Variants in GOSR1 observed in about 807,000 individuals in gnomAD.
GOSR1 encodes the protein golgi SNAP receptor complex member 1.
A neutral mutation model predicts 35.5 loss-of-function variants in GOSR1; 21 were observed. The observed-to-expected ratio is 0.59, with a 90% CI of 0.42 to 0.85. The LOEUF is 0.85. GOSR1 is among the 40% of genes least tolerant of loss of function. The pLI is 0.00. For missense variants in GOSR1, 285 were observed against 309.6 expected (o/e 0.92, Z 0.60); for synonymous variants, 94 against 106.6 (o/e 0.88, Z 0.73).
At chr17:30,520,048 G>T (rs375472475) in intron 8 of GOSR1, 27 bp downstream of exon 8, 2 of 1,426,842 alleles carry the variant, frequency 1.4e-6, no homozygotes, top group Middle Eastern at 1.7e-4. Flanking sequence ...TTCGCAGTCT[G>T]TGTTTTGAGG....
At chr17:30,491,194 G>T (rs1366813036) in intron 5 of GOSR1, among the ~76,000 whole-genome samples, 2 of 152,122 alleles carry the variant, frequency 1.3e-5, no homozygotes, top group Non-Finnish European at 2.9e-5. Flanking sequence ...CCATATAGGG[G>T]ATGGTCTTTA....
At chr17:30,490,359 A>AT in intron 5 of GOSR1, 142 bp downstream of exon 5, 1 of 540,830 alleles carries the variant, frequency 1.8e-6, no homozygotes, top group South Asian at 2.5e-5. Flanking sequence ...TCTTTTTAAC[A>AT]TTGCTGCTAC....
At chr17:30,496,388 G>A (rs1194706891) in intron 6 of GOSR1, among the ~76,000 whole-genome samples, 1 of 152,174 alleles carries the variant, frequency 6.6e-6, no homozygotes, top group African/African-American at 2.4e-5. Context: ...TTTTCTTCAT[G>A]TTGTTTGGCT....
intron 6 of GOSR1, among the ~76,000 whole-genome samples, chr17:30,497,315 A>G (rs1050556094): frequency 2.0e-5 from 3 of 152,130 alleles, no homozygotes; most frequent in African/African-American, 7.2e-5. Context: ...TCATTAATTT[A>G]CCACTTTTAT....
intron 5 of GOSR1, among the ~76,000 whole-genome samples, chr17:30,491,467 T>C (rs1407172342): frequency 6.6e-6 from 1 of 152,110 alleles, no homozygotes; most frequent in African/African-American, 2.4e-5. Context: ...AAGACCAGCC[T>C]GGCCAACATG....
At chr17:30,502,350 T>A (rs973711852) in intron 6 of GOSR1, among the ~76,000 whole-genome samples, 17 of 152,186 alleles carry the variant, frequency 1.1e-4, no homozygotes, top group African/African-American at 4.1e-4. Flanking sequence ...AGTTAGTAAT[T>A]TATCAGTACT....
At chr17:30,515,619 TC>T (rs1239418460) in intron 7 of GOSR1, among the ~76,000 whole-genome samples, 6 of 152,366 alleles carry the variant, frequency 3.9e-5, no homozygotes, top group Admixed American at 2.0e-4. Flanking sequence ...ACTCCACAGT[TC>T]TGCCCTCAGA....
chr17:30,484,971 G>C (rs1391222894), intron 4 of GOSR1: 1 of 592,344 alleles, frequency 1.7e-6, no homozygotes, highest in South Asian at 1.7e-5. Context: ...AATAGCTCTT[G>C]CTATTTCTTG....
At chr17:30,509,847 A>C (rs1967550219) in intron 6 of GOSR1, among the ~76,000 whole-genome samples, 1 of 152,246 alleles carries the variant, frequency 6.6e-6, no homozygotes, top group Non-Finnish European at 1.5e-5. Context: ...AAACATTAAG[A>C]TGTAAATATT....
chr17:30,493,546 CTT>C (rs1966885982), intron 6 of GOSR1, among the ~76,000 whole-genome samples: 1 of 152,096 alleles, frequency 6.6e-6, no homozygotes, highest in African/African-American at 2.4e-5. Flanking sequence ...ATGTGAAAAA[CTT>C]TAGTTTTTCA....
chr17:30,495,187 C>CA (rs11369569), intron 6 of GOSR1, among the ~76,000 whole-genome samples: 48,990 of 81,328 alleles, frequency 0.6, 14,383 homozygotes, highest in East Asian at 0.88. Context: ...GACTCCGGCT[C>CA]AAAAAAAAAA....
intron 6 of GOSR1, among the ~76,000 whole-genome samples, chr17:30,497,678 T>G (rs1368199256): frequency 1.3e-5 from 2 of 152,390 alleles, no homozygotes; most frequent in Admixed American, 1.3e-4. Flanking sequence ...TAGAGCTAAG[T>G]GATTCCAGCC....
At chr17:30,504,395 TA>T (rs1174330828) in intron 6 of GOSR1, among the ~76,000 whole-genome samples, 1 of 152,128 alleles carries the variant, frequency 6.6e-6, no homozygotes, top group Non-Finnish European at 1.5e-5. Flanking sequence ...AGTATTGCTG[TA>T]AAATTACTGT....
chr17:30,502,216 G>A (rs539424186), intron 6 of GOSR1, among the ~76,000 whole-genome samples: 56 of 152,300 alleles, frequency 3.7e-4, no homozygotes, highest in Admixed American at 1.1e-3. Flanking sequence ...GAGGAAGAAT[G>A]AATAGGTGAA....
intron 1 of GOSR1, chr17:30,478,534 A>G (rs1914100817): frequency 6.6e-6 from 1 of 152,090 alleles, no homozygotes; most frequent in Non-Finnish European, 1.5e-5. Flanking sequence ...TGCCCATTTG[A>G]AATGTGTGTA....
intron 6 of GOSR1, among the ~76,000 whole-genome samples, chr17:30,508,330 T>G (rs576127829): frequency 5.9e-5 from 9 of 152,304 alleles, no homozygotes; most frequent in African/African-American, 1.9e-4. Context: ...TAAATCTTTA[T>G]GTTCATATTA....
intron 4 of GOSR1, among the ~76,000 whole-genome samples, chr17:30,488,272 C>T (rs1914803904): frequency 6.7e-6 from 1 of 149,520 alleles, no homozygotes; most frequent in Non-Finnish European, 1.5e-5. Context: ...TCACACCATT[C>T]TCCTGCCTCA....
Position 30,521,422 on chromosome 17 carries a change from G to T in GOSR1, c.623-832G>T, listed in dbSNP as rs570208009. Among the ~76,000 whole-genome samples, 25 of 151,788 alleles carry T rather than the reference G, an allele frequency of 1.6e-4. 1 individual carries two copies. The South Asian group carries it at 4.4e-3, about 27-fold the overall frequency. On this transcript the variant is annotated intron_variant, in intron 8 of 8. Coordinates refer to ENST00000451249, the MANE Select transcript of GOSR1 (RefSeq NM_001007025.2). ...AGTCTCAAACTCCTAGGCTCAAGCA[G>T]TCCTTCAGCCTTGGCCTCCCAAAGT...
At chr17:30,521,178 T>TTC (rs1425793774) in intron 8 of GOSR1, among the ~76,000 whole-genome samples, 1 of 138,870 alleles carries the variant, frequency 7.2e-6, no homozygotes, top group African/African-American at 2.7e-5. Flanking sequence ...TTTTTTTTTT[T>TTC]TTTTTTTTTT....
Sources: gnomAD v4.1 joint callset for allele counts (sites outside exome capture counted in the v4.1 genomes callset) on GRCh38, gnomAD v4.1.1 for gene constraint, MANE v1.5 for transcripts, NCBI Gene and HGNC (gene_info 2026-07-23, HGNC 2026-07-21) for gene names.